Variants in XRN2 observed in about 807,000 individuals in gnomAD.
The protein encoded by XRN2 is 5'-3' exoribonuclease 2.
In XRN2, 44 loss-of-function variants were observed where a neutral mutation model predicts 138.5. That is an observed-to-expected ratio of 0.32 (90% CI 0.25 to 0.41). The LOEUF (loss-of-function observed/expected upper bound fraction) is 0.41. Among genes scored for constraint, XRN2 ranks in the 10% least tolerant of loss-of-function variants. The pLI is 1.00. For synonymous variants in XRN2, 354 were observed against 369.4 expected (o/e 0.96, Z 0.48); for missense variants, 937 against 1,169.3 (o/e 0.80, Z 2.90).
At position 21,346,550 on chromosome 20, in the gene XRN2, G is replaced by C; in HGVS notation, c.1665G>C (p.Gln555His). 1.2e-6 allele frequency: 2 copies of C among 1,610,146 alleles called. No homozygotes were observed. Among genetic ancestry groups the C allele is most frequent in the Non-Finnish European group, 1.7e-6 (2 of 1,178,370 alleles). ...GCTGGGTTCTTAGATATTATTACCA[G>C]GTACAAAAAGAATATTTTCCTCTGA... ...GLCWVLRYYY[Q>H]GCASWKWYYP... Residue 555 changes from glutamine to histidine, a missense_variant and splice_region_variant, in exon 17 of 30, where the codon CAG (glutamine) becomes CAC (histidine). Physicochemically the swap from Gln to His is conservative, Grantham distance 24. This residue lies in a region of XRN2 where 471 missense variants were observed against 581.2 expected (regional missense o/e 0.81). Coordinates refer to ENST00000377191, the MANE Select transcript of XRN2 (RefSeq NM_012255.5).
chr20:21,332,141 G>A (rs186847071), intron 8 of XRN2, 142 bp from the exon 9 acceptor site: 19 of 1,016,398 alleles, frequency 1.9e-5, no homozygotes, highest in Middle Eastern at 3.3e-4. Flanking sequence ...GGAAATGCCA[G>A]GAAGTGTCAA....
At chr20:21,356,835 A>G (rs2038581314) in intron 23 of XRN2, among the ~76,000 whole-genome samples, 170 bp downstream of exon 23, 2 of 152,184 alleles carry the variant, frequency 1.3e-5, no homozygotes, top group South Asian at 4.1e-4. Context: ...AGCTCTTCAA[A>G]GTAGCTGTGT....
intron 1 of XRN2, among the ~76,000 whole-genome samples, chr20:21,315,288 C>A (rs1316671441): frequency 6.6e-6 from 1 of 152,162 alleles, no homozygotes; most frequent in South Asian, 2.1e-4. Context: ...CTGAGTTAGT[C>A]CAAGGCCAGC....
intron 1 of XRN2, chr20:21,303,828 T>C (rs1568561494): frequency 9.6e-7 from 1 of 1,045,066 alleles, no homozygotes; most frequent in South Asian, 4.0e-5. Context: ...CAGAGGCTGT[T>C]GTTGAGCAAT....
intron 3 of XRN2, among the ~76,000 whole-genome samples, chr20:21,327,712 A>AT (rs1182039136): frequency 1.3e-5 from 2 of 152,100 alleles, no homozygotes; most frequent in African/African-American, 2.4e-5. Context: ...TTATACACAC[A>AT]TTTTTTTGTT....
At chr20:21,322,216 T>C (rs932124607) in intron 1 of XRN2, among the ~76,000 whole-genome samples, 1 of 152,184 alleles carries the variant, frequency 6.6e-6, no homozygotes, top group African/African-American at 2.4e-5. Context: ...TAAATGCTAG[T>C]GGTAATTATT....
intron 23 of XRN2, among the ~76,000 whole-genome samples, 157 bp from the exon 24 acceptor site, chr20:21,357,579 C>G (rs2038591142): frequency 6.6e-6 from 1 of 151,024 alleles, no homozygotes; most frequent in African/African-American, 2.4e-5. Flanking sequence ...GGTACTTACT[C>G]TTTTTTTTTA....
At chr20:21,345,564 TG>T (rs747963127) in intron 16 of XRN2, among the ~76,000 whole-genome samples, 1 of 152,196 alleles carries the variant, frequency 6.6e-6, no homozygotes, top group Non-Finnish European at 1.5e-5. Context: ...TTCTGATGTT[TG>T]TAAAGTGTTA....
chr20:21,371,323 G>GTCTAGTGTATTCA (rs956765135), intron 27 of XRN2, among the ~76,000 whole-genome samples: 1 of 152,074 alleles, frequency 6.6e-6, no homozygotes, highest in African/African-American at 2.4e-5. Flanking sequence ...CTCTGTCTCT[G>GTCTAGTGTATTCA]TTCCTCTCTC....
chr20:21,332,013 T>TA (rs2038216977), intron 8 of XRN2, among the ~76,000 whole-genome samples, 195 bp downstream of exon 8: 1 of 152,230 alleles, frequency 6.6e-6, no homozygotes, highest in Admixed American at 6.5e-5. Flanking sequence ...TCTTCTTTCT[T>TA]ACATTTTTCA....
chr20:21,312,030 T>C (rs938025299), intron 1 of XRN2, among the ~76,000 whole-genome samples: 2 of 152,158 alleles, frequency 1.3e-5, no homozygotes, highest in Non-Finnish European at 2.9e-5. Context: ...TGGTTAGATT[T>C]AAATCTGTCA....
Position 21,348,949 on chromosome 20 carries a change from A to G in XRN2, c.1864-440A>G, listed in dbSNP as rs147923272. ...TGAGCCACCGTGCCTGGCCGGGGAA[A>G]AATTTTTGTTCTCTGGCTACCTGTA... On this transcript the variant is annotated intron_variant, in intron 19 of 29. Transcript: ENST00000377191. Among the ~76,000 whole-genome samples, 221 of 151,886 alleles carry G rather than the reference A, an allele frequency of 1.5e-3. 7 individuals carry two copies. The East Asian group carries it at 0.036, about 25-fold the overall frequency.
rs1404112620 is a variant in XRN2, at chr20:21,362,407, G to A, written c.2256-3014G>A. On this transcript the variant is annotated intron_variant, in intron 24 of 29. Coordinates refer to ENST00000377191, the MANE Select transcript of XRN2 (RefSeq NM_012255.5). ...CATTTTCTTAGTTTCAGGTCTTTCT[G>A]TGCATGACTTGGAGATCTTCATCTG... 4.6e-5 allele frequency among the ~76,000 whole-genome samples: 7 copies of A among 152,026 alleles called. No homozygotes were observed. In the East Asian group the frequency reaches 1.4e-3, roughly 29 times the overall value.
At chr20:21,344,952 C>G (rs573106212) in intron 16 of XRN2, among the ~76,000 whole-genome samples, 1 of 152,284 alleles carries the variant, frequency 6.6e-6, no homozygotes, top group Admixed American at 6.5e-5. Flanking sequence ...GTAAACAAGA[C>G]AGTAGTCACC....
At chr20:21,348,281 GT>G (rs756506979) in intron 18 of XRN2, 28 bp downstream of exon 18, 2 of 1,612,020 alleles carry the variant, frequency 1.2e-6, no homozygotes, top group Admixed American at 3.4e-5. Flanking sequence ...AAGTCATAAA[GT>G]TTATAGAATT....
intron 17 of XRN2, among the ~76,000 whole-genome samples, chr20:21,347,294 G>T (rs1022551045): frequency 6.6e-6 from 1 of 152,198 alleles, no homozygotes; most frequent in Non-Finnish European, 1.5e-5. Context: ...GATACATGAA[G>T]CACATTCTAA....
At chr20:21,343,211 C>T (rs1165248726) in intron 15 of XRN2, among the ~76,000 whole-genome samples, 1 of 152,012 alleles carries the variant, frequency 6.6e-6, no homozygotes, top group Non-Finnish European at 1.5e-5. Flanking sequence ...AATGTTTCTG[C>T]CCCTTATGTT....
chr20:21,369,113 C>T (rs1042598852), intron 27 of XRN2, among the ~76,000 whole-genome samples: 4 of 152,040 alleles, frequency 2.6e-5, no homozygotes, highest in African/African-American at 4.8e-5. Context: ...TCTGTCTCCA[C>T]GAGTTCAGTT....
intron 1 of XRN2, among the ~76,000 whole-genome samples, chr20:21,311,262 G>T (rs1358069990): frequency 6.6e-6 from 1 of 152,052 alleles, no homozygotes; most frequent in Non-Finnish European, 1.5e-5. Flanking sequence ...GTAACTCCTT[G>T]TCCCCCTCCC....
Sources: allele counts gnomAD v4.1 joint callset (sites outside exome capture counted in the v4.1 genomes callset), GRCh38; gene constraint gnomAD v4.1.1; regional missense constraint gnomAD v4.1.1; transcripts MANE v1.5; gene names NCBI Gene and HGNC (gene_info 2026-07-23, HGNC 2026-07-21).